Variants in PRDM2 observed in about 807,000 individuals in gnomAD.
The protein encoded by PRDM2 is PR domain zinc finger protein 2.
In PRDM2, 30 loss-of-function variants were observed where a neutral mutation model predicts 130.0. That is an observed-to-expected ratio of 0.23 (90% CI 0.17 to 0.31). The LOEUF (loss-of-function observed/expected upper bound fraction) is 0.31. PRDM2 is among the 10% of genes least tolerant of loss of function. The pLI, the probability that PRDM2 is intolerant of heterozygous loss-of-function variation, is 1.00. For synonymous variants in PRDM2, 871 were observed against 782.4 expected (o/e 1.11, Z -1.89); for missense variants, 2,011 against 2,108.4 (o/e 0.95, Z 0.90).
chr1:13,701,988 G>T (rs529455200), intron 1 of PRDM2, among the ~76,000 whole-genome samples: 2 of 152,136 alleles, frequency 1.3e-5, no homozygotes, highest in African/African-American at 2.4e-5. Context: ...TATTAATTTT[G>T]TAAGTACAAA....
At chr1:13,751,313 C>T (rs1240553199) in intron 6 of PRDM2, among the ~76,000 whole-genome samples, 1 of 152,104 alleles carries the variant, frequency 6.6e-6, no homozygotes, top group Non-Finnish European at 1.5e-5. Context: ...ACCCAGAATC[C>T]TAGGTTTTAA....
chr1:13,818,652 T>C (rs1645297884), intron 9 of PRDM2, among the ~76,000 whole-genome samples: 1 of 152,098 alleles, frequency 6.6e-6, no homozygotes, highest in Admixed American at 6.5e-5. Context: ...CCCAAAGTGC[T>C]GGGATTACAG....
Position 13,782,595 on chromosome 1 carries a change from T to C in PRDM2, c.4800T>C (p.Ser1600=), listed in dbSNP as rs914364077. 6.2e-7 allele frequency: 1 copy of C among 1,614,070 alleles called. No individual in the cohort carries two copies. The highest frequency in any genetic ancestry group is 1.3e-5 in the African/African-American group (1 of 74,938). The change falls in exon 8 of 10, where the codon TCT becomes TCC. Residue 1600 remains serine (S), a synonymous_variant. Transcript: ENST00000311066. The part of the protein sequence containing the change: ...KKPKAVAKNH[S]AQLSSKTSRS... Reference sequence around the variant, plus strand: ...CTAAAGCTGTGGCCAAGAATCATTCTGCTCAGCTTTCCAGCAAAACATCAC... The same window carrying C: ...CTAAAGCTGTGGCCAAGAATCATTCCGCTCAGCTTTCCAGCAAAACATCAC...
chr1:13,806,524 G>A lies in PRDM2; in HGVS notation c.5037-9903G>A, dbSNP rs1173560092. Among the ~76,000 whole-genome samples the A allele has an allele frequency of 1.3e-5, 2 of 152,098 alleles. No individual in the cohort carries two copies. The highest frequency in any genetic ancestry group is 2.9e-5 in the Non-Finnish European group (2 of 68,018). ...CTCCCTATGTGGGATGAATGGAAAC[G>A]GTCCTGCTTGGAGTCCAGCTACCAG... On this transcript the variant is annotated intron_variant, in intron 8 of 9. Transcript: ENST00000311066. This position sits in a 1 kb window ranked among gnomAD's most constrained non-coding sequence, Gnocchi z 4.1.
chr1:13,814,844 C>T (rs1371763677), intron 8 of PRDM2, among the ~76,000 whole-genome samples: 1 of 152,196 alleles, frequency 6.6e-6, no homozygotes, highest in Non-Finnish European at 1.5e-5. Context: ...GCTTTCCTAC[C>T]TGCCTGGCCT....
In PRDM2 at chr1:13,773,197, G is replaced by C. The variant is rs370382447; in HGVS notation, c.622+9G>C. The C allele has an allele frequency of 6.6e-7, 1 of 1,504,934 alleles. No homozygotes were observed. The highest frequency in any genetic ancestry group is 8.9e-7 in the Non-Finnish European group (1 of 1,118,068). The allele number at this position is 1,504,934 out of a possible 1,614,324, so 93.2% of individuals were successfully genotyped here. A position where few individuals can be genotyped will look rare whatever the true frequency, so the allele number is the denominator to read the frequency against. ...GAGAGATTCTGCAGAAGGTAAGCTT[G>C]TGATATTGGCTTGGTCTGAATTGGG... On this transcript the variant is annotated intron_variant, in intron 7 of 9. Coordinates refer to ENST00000311066, the MANE Select transcript of PRDM2 (RefSeq NM_001393986.1).
chr1:13,777,782 TC>T (rs1569991149), intron 7 of PRDM2, among the ~76,000 whole-genome samples: 1 of 151,130 alleles, frequency 6.6e-6, no homozygotes, highest in Non-Finnish European at 1.5e-5. Context: ...AGATTTCTGT[TC>T]CCTTCAGTGA....
rs576495340 is a variant in PRDM2, at chr1:13,794,518, A to C, written c.5036+11687A>C. On this transcript the variant is annotated intron_variant, in intron 8 of 9. Coordinates refer to ENST00000311066, the MANE Select transcript of PRDM2 (RefSeq NM_001393986.1). ...AATAAAATATTTGAATTCTGGCTTT[A>C]TCATGTGTAGTTCTGTAAGCGTAAT... is the stretch of plus-strand genomic sequence containing the variant. Among the ~76,000 whole-genome samples, 4 of 152,280 alleles carry C rather than the reference A, an allele frequency of 2.6e-5. No individual in the cohort carries two copies. The South Asian group carries it at 8.3e-4, about 32-fold the overall frequency.
intron 9 of PRDM2, among the ~76,000 whole-genome samples, chr1:13,821,747 G>A (rs1021974380): frequency 2.4e-4 from 37 of 152,098 alleles, no homozygotes; most frequent in Non-Finnish European, 4.4e-4. Context: ...GATTACAGGC[G>A]TGAGCCACCG....
chr1:13,801,947 C>T (rs1570090053), intron 8 of PRDM2, among the ~76,000 whole-genome samples: 2 of 152,170 alleles, frequency 1.3e-5, no homozygotes, highest in South Asian at 4.1e-4. Context: ...CTGAGCAGCC[C>T]AGGGTGGGGC....
In PRDM2 at chr1:13,781,569, A is replaced by G. The variant is rs1358122897; in HGVS notation, c.3774A>G (p.Glu1258=). 1.2e-6 allele frequency: 2 copies of G among 1,612,580 alleles called. No homozygotes were observed. The highest frequency in any genetic ancestry group is 1.7e-5 in the Admixed American group (1 of 60,014). The change falls in exon 8 of 10, where the codon GAA becomes GAG. Residue 1258 remains glutamate (E), a synonymous_variant. Transcript: ENST00000311066. This position sits in a 1 kb window ranked among gnomAD's most constrained non-coding sequence, Gnocchi z 6.1. ...AAGATCCTTTAGAAACTTCTAAAGAAGAAGAGGAGTTAAATGATTCCTCTG... is the reference window on the plus strand; with the variant it reads ...AAGATCCTTTAGAAACTTCTAAAGAGGAAGAGGAGTTAAATGATTCCTCTG... ...LPEDPLETSK[E]EEELNDSSEE...
intron 6 of PRDM2, among the ~76,000 whole-genome samples, chr1:13,751,525 CTT>C (rs572259778): frequency 1.2e-4 from 16 of 128,088 alleles, no homozygotes; most frequent in African/African-American, 8.6e-5. Flanking sequence ...GAAATGGAGT[CTT>C]TTTTTTTTTT....
intron 2 of PRDM2, chr1:13,722,826 G>T (rs768464070): frequency 7.7e-6 from 4 of 516,666 alleles, no homozygotes; most frequent in South Asian, 5.6e-5. Context: ...ATTTTATTTA[G>T]AAAGTTTAAA....
Position 13,780,679 on chromosome 1 carries a change from C to A in PRDM2, c.2884C>A (p.Pro962Thr). ...ACCCTCCCTTTCATCCGGTCAGCTG[C>A]CTCCTCTCTTGATCCCCACAGATCC... is the stretch of plus-strand genomic sequence containing the variant. ...QTPSLSSGQL[P>T]PLLIPTDPSS... Residue 962 changes from proline (P) to threonine (T), a missense_variant, in exon 8 of 10, where the codon CCT becomes ACT. By Grantham distance (38) the Pro-to-Thr change is conservative. This residue lies in a region of PRDM2 where 1,288 missense variants were observed against 1,237.7 expected (regional missense o/e 1.04). Transcript: ENST00000311066. 1 of 1,610,570 alleles carries A rather than the reference C, an allele frequency of 6.2e-7. No individual in the cohort carries two copies. Among genetic ancestry groups the A allele is most frequent in the Non-Finnish European group, 8.5e-7 (1 of 1,178,086 alleles).
At chr1:13,822,809 A>T (rs565002111) in intron 9 of PRDM2, among the ~76,000 whole-genome samples, 1 of 152,314 alleles carries the variant, frequency 6.6e-6, no homozygotes, top group Admixed American at 6.5e-5. Flanking sequence ...ACGCAGGAGG[A>T]GATTACTGAT....
chr1:13,721,006 T>A (rs1642709690), intron 2 of PRDM2, among the ~76,000 whole-genome samples: 1 of 152,202 alleles, frequency 6.6e-6, no homozygotes, highest in Non-Finnish European at 1.5e-5. Context: ...TCTTTTCTAC[T>A]GCTCTGAAGT....
intron 7 of PRDM2, among the ~76,000 whole-genome samples, chr1:13,777,008 G>C (rs1644489462): frequency 6.6e-6 from 1 of 152,080 alleles, no homozygotes; most frequent in African/African-American, 2.4e-5. Flanking sequence ...TATTTACTTG[G>C]ATGTCTATAA....
chr1:13,812,100 C>T (rs541246908), intron 8 of PRDM2, among the ~76,000 whole-genome samples: 156 of 152,114 alleles, frequency 1.0e-3, no homozygotes, highest in African/African-American at 3.7e-3. Flanking sequence ...TGGTCATGTC[C>T]GGTGGTCCTT....
chr1:13,703,764 C>A (rs1411300652), intron 1 of PRDM2, among the ~76,000 whole-genome samples: 1 of 152,212 alleles, frequency 6.6e-6, no homozygotes, highest in Non-Finnish European at 1.5e-5. Context: ...AGCGCAGAAA[C>A]AACTGTCTTC....
Sources: gnomAD v4.1 joint callset for allele counts (sites outside exome capture counted in the v4.1 genomes callset) on GRCh38, gnomAD v4.1.1 for gene constraint, gnomAD v4.1.1 regional missense constraint, Gnocchi (gnomAD v3.1) non-coding constraint, MANE v1.5 for transcripts, NCBI Gene and HGNC (gene_info 2026-07-23, HGNC 2026-07-21) for gene names.